ARMCX5: variants seen among roughly 807,000 people sequenced by gnomAD.
ARMCX5 encodes the protein armadillo repeat containing X-linked 5.
ARMCX5 carries 1 observed loss-of-function variant against 7.5 expected under a neutral mutation model. That is an observed-to-expected ratio of 0.13 (90% confidence interval 0.05 to 0.63). The LOEUF (loss-of-function observed/expected upper bound fraction) is 0.63, where lower values mean the gene tolerates loss of function less well. Ranked by LOEUF, ARMCX5 falls within the 30% of genes least tolerant of loss-of-function variation. ARMCX5 has a pLI of 0.86. For missense variants in ARMCX5, 346 were observed against 402.2 expected (o/e 0.86, Z 1.19); for synonymous variants, 149 against 145.7 (o/e 1.02, Z -0.16).
chrX:102,602,355 G>A lies in ARMCX5; in HGVS notation c.214G>A (p.Ala72Thr). The change falls in exon 4 of 4, where the codon GCT becomes ACT. Residue 72 changes from alanine (A) to threonine (T), a missense_variant. Transcript: ENST00000473968. ...THTVTYREAMAVTREVIKVED... is the reference protein window; with the variant it reads ...THTVTYREAMTVTREVIKVED... ...TACAGTGACCTACAGGGAGGCTATGGCTGTGACAAGGGAAGTGATCAAGGT... is the reference window on the plus strand; with the variant it reads ...TACAGTGACCTACAGGGAGGCTATGACTGTGACAAGGGAAGTGATCAAGGT... 1.7e-6 allele frequency: 2 copies of A among 1,211,606 alleles called. No individual in the cohort carries two copies. The highest frequency in any genetic ancestry group is 2.2e-5 in the Admixed American group (1 of 46,043).
rs767711078 is a variant in ARMCX5, at chrX:102,601,008, A to G, written c.-333A>G. ...TTAAAACTAGGAAATTACGAAGAAG[A>G]GAAAATTGCCCTGTATCTGTTAAGG... On this transcript the variant is annotated 5_prime_UTR_variant, in exon 2 of 4. Transcript: ENST00000473968. The G allele has an allele frequency of 2.5e-4, 28 of 112,000 alleles. No individual in the cohort carries two copies. Among genetic ancestry groups the G allele is most frequent in the Admixed American group, 2.3e-3 (24 of 10,572 alleles). 9.2% of individuals were successfully genotyped at this position (112,000 alleles called of 1,213,427 possible).
At position 102,602,819 on chromosome X, in the gene ARMCX5, G is replaced by A; in HGVS notation, c.678G>A (p.Arg226=). The A allele has an allele frequency of 8.3e-7, 1 of 1,210,527 alleles. No individual in the cohort carries two copies. Among genetic ancestry groups the A allele is most frequent in the Non-Finnish European group, 1.1e-6 (1 of 894,660 alleles). Reference sequence around the variant, plus strand: ...AACAAAAGGTAATAGCATGGTCAAGGGCCAGGTATATTGTCCTAGTTCCAG... The same window carrying A: ...AACAAAAGGTAATAGCATGGTCAAGAGCCAGGTATATTGTCCTAGTTCCAG... ...TIKQKVIAWS[R]ARYIVLVPVE... The change falls in exon 4 of 4, where the codon AGG becomes AGA. Residue 226 remains arginine, a synonymous_variant. Coordinates refer to ENST00000473968, the MANE Select transcript of ARMCX5 (RefSeq NM_001168478.2).
chrX:102,603,795 A>G lies in ARMCX5; in HGVS notation c.1654A>G (p.Ile552Val), dbSNP rs2081073190. 1 of 1,161,970 alleles carries G rather than the reference A, an allele frequency of 8.6e-7. No homozygotes were observed. Among genetic ancestry groups the G allele is most frequent in the Non-Finnish European group, 1.2e-6 (1 of 867,998 alleles). Residue 552 changes from isoleucine (I) to valine (V), a missense_variant, in exon 4 of 4, where the codon ATA becomes GTA. Transcript: ENST00000473968. ...TGATCCCGAAGTGAGAGATAAAGTC[A>G]TACGATTAATACTAAAACTCTGAAT... is the stretch of plus-strand genomic sequence containing the variant. ...HSDPEVRDKVIRLILKL is the reference protein window; with the variant it reads ...HSDPEVRDKVVRLILKL
At position 102,602,331 on chromosome X, in the gene ARMCX5, A is replaced by G. The variant is rs976516077; in HGVS notation, c.190A>G (p.Thr64Ala). 3.3e-6 allele frequency: 4 copies of G among 1,211,459 alleles called. No individual in the cohort carries two copies. Among genetic ancestry groups the G allele is most frequent in the Non-Finnish European group, 4.5e-6 (4 of 895,270 alleles). ...AGDGAMTRTH[T>A]VTYREAMAVT... ...TGATGGAGCAATGACCAGGACACATACAGTGACCTACAGGGAGGCTATGGC... is the reference window on the plus strand; with the variant it reads ...TGATGGAGCAATGACCAGGACACATGCAGTGACCTACAGGGAGGCTATGGC... The change falls in exon 4 of 4, where the codon ACA becomes GCA. Residue 64 changes from threonine to alanine, a missense_variant. By Grantham distance (58) the Thr-to-Ala change is moderately conservative. This residue lies in a region of ARMCX5 where 204 missense variants were observed against 244.3 expected (regional missense o/e 0.83). Coordinates refer to ENST00000473968, the MANE Select transcript of ARMCX5 (RefSeq NM_001168478.2).
chrX:102,603,105 A>T lies in ARMCX5; in HGVS notation c.964A>T (p.Thr322Ser). The change falls in exon 4 of 4, where the codon ACT (threonine) becomes TCT (serine). Residue 322 changes from threonine to serine, a missense_variant. By Grantham distance (58) the Thr-to-Ser change is moderately conservative. This residue lies in a region of ARMCX5 where 204 missense variants were observed against 244.3 expected (regional missense o/e 0.83). Transcript: ENST00000473968. ...TAAACTTGTTGCCCTCCTTAAGTTA[A>T]CTAAGGATCCTTTCATTCATGAAAT... ...FDKLVALLKL[T>S]KDPFIHEIAT... 8.3e-7 allele frequency: 1 copy of T among 1,209,514 alleles called. No individual in the cohort carries two copies. The highest frequency in any genetic ancestry group is 1.7e-5 in the African/African-American group (1 of 57,810).
At position 102,603,318 on chromosome X, in the gene ARMCX5, A is replaced by G; in HGVS notation, c.1177A>G (p.Ile393Val). 1.7e-6 allele frequency: 2 copies of G among 1,210,766 alleles called. No homozygotes were observed. Among genetic ancestry groups the G allele is most frequent in the Non-Finnish European group, 2.2e-6 (2 of 894,761 alleles). ...AGAACCAAAATCAGGGGAGTCATAT[A>G]TACATCAAGTTTGTAAAGGCATAAT... The part of the protein sequence containing the change: ...SEEPKSGESY[I>V]HQVCKGIISC... Residue 393 changes from isoleucine to valine, a missense_variant, in exon 4 of 4, where the codon ATA (isoleucine) becomes GTA (valine). By Grantham distance (29) the Ile-to-Val change is conservative. This residue lies in a region of ARMCX5 where 139 missense variants were observed against 141.1 expected (regional missense o/e 0.99). Coordinates refer to ENST00000473968, the MANE Select transcript of ARMCX5 (RefSeq NM_001168478.2).
At position 102,602,761 on chromosome X, in the gene ARMCX5, CCAAGCCCACACA is replaced by C. The variant is rs1319871369; in HGVS notation, c.624_635del (p.His211_Thr214del). The C allele has an allele frequency of 2.5e-6, 3 of 1,210,856 alleles. No individual in the cohort carries two copies. In the South Asian group the frequency reaches 5.3e-5, roughly 21 times the overall value. The stretch of plus-strand genomic sequence containing the variant: ...CCCCTACCTAAGATCCAGGAAAAGC[CCAAGCCCACACA>C]CAAACCCACACTTACTATAAAACAA... On this transcript the variant is annotated inframe_deletion, in exon 4 of 4. Coordinates refer to ENST00000473968, the MANE Select transcript of ARMCX5 (RefSeq NM_001168478.2).
chrX:102,600,722 A>G (rs2081027083), intron 1 of ARMCX5, 198 bp from the exon 2 acceptor site: 3 of 111,652 alleles, frequency 2.7e-5, no homozygotes, highest in Admixed American at 9.5e-5. Flanking sequence ...CTGTATAGGA[A>G]TTGTCAGACT....
Position 102,602,926 on chromosome X carries a change from G to A in ARMCX5, c.785G>A (p.Arg262Gln), listed in dbSNP as rs1056127986. ...TTGATTGAAACTCCTCTGGGGATTC[G>A]ACCTTTGACCAAGATCCCACCTTAT... Reference protein sequence around the residue: ...ETLIETPLGIRPLTKIPPYHG... With the variant: ...ETLIETPLGIQPLTKIPPYHG... The change falls in exon 4 of 4, where the codon CGA becomes CAA. Residue 262 changes from arginine (R) to glutamine (Q), a missense_variant. Arg to Gln is a conservative substitution (Grantham distance 43). Transcript: ENST00000473968. 8.3e-7 allele frequency: 1 copy of A among 1,211,207 alleles called. No individual in the cohort carries two copies. Among genetic ancestry groups the A allele is most frequent in the Non-Finnish European group, 1.1e-6 (1 of 895,264 alleles).
Position 102,602,608 on chromosome X carries a change from C to G in ARMCX5, c.467C>G (p.Thr156Ser). ...TCCAGACCTGACAGAAGGGAAGAGACCAGCATTGGGATGAAATCCAGTGAT... is the reference window on the plus strand; with the variant it reads ...TCCAGACCTGACAGAAGGGAAGAGAGCAGCATTGGGATGAAATCCAGTGAT... ...TGSRPDRREE[T>S]SIGMKSSDED... The change falls in exon 4 of 4, where the codon ACC becomes AGC. Residue 156 changes from threonine to serine, a missense_variant. Coordinates refer to ENST00000473968, the MANE Select transcript of ARMCX5 (RefSeq NM_001168478.2). 8.3e-7 allele frequency: 1 copy of G among 1,210,051 alleles called. No individual in the cohort carries two copies. The highest frequency in any genetic ancestry group is 1.1e-6 in the Non-Finnish European group (1 of 894,169).
At position 102,599,617 on chromosome X, in the gene ARMCX5, G is replaced by A. The variant is rs1310382808; in HGVS notation, c.-652G>A. 9.1e-6 allele frequency: 1 copy of A among 109,845 alleles called. No individual in the cohort carries two copies. The highest frequency in any genetic ancestry group is 9.8e-5 in the Admixed American group (1 of 10,225). 9.1% of individuals were successfully genotyped at this position (109,845 alleles called of 1,213,427 possible). On this transcript the variant is annotated 5_prime_UTR_variant, in exon 1 of 4. The change creates a premature stop within an existing upstream ORF in the 5' untranslated region. Transcript: ENST00000473968. The stretch of plus-strand genomic sequence containing the variant: ...TACGCGCGAGGTTCTGAGGAGCCCT[G>A]GGAACAGGAAGGAGAAAAGAATACC...
upstream of ARMCX5, chrX:102,599,507 T>C (rs2080999664): frequency 9.1e-6 from 1 of 109,464 alleles, no homozygotes. Flanking sequence ...TAAACTACGC[T>C]CTAGCTCCTC....
rs746990723 is a variant in ARMCX5 at position 102,602,310 on chromosome X, G to A, written c.169G>A (p.Gly57Arg). Residue 57 changes from glycine to arginine, a missense_variant, in exon 4 of 4, where the codon GGA (glycine) becomes AGA (arginine). By Grantham distance (125) the Gly-to-Arg change is moderately radical. Around this residue, in one of 3 missense-constraint regions of ARMCX5, gnomAD observed 204 missense variants for 244.3 expected, o/e 0.83. Transcript: ENST00000473968. Reference sequence around the variant, plus strand: ...AGTGACCCAGGCCAAAGCTGGTGATGGAGCAATGACCAGGACACATACAGT... The same window carrying A: ...AGTGACCCAGGCCAAAGCTGGTGATAGAGCAATGACCAGGACACATACAGT... Reference protein sequence around the residue: ...ESVTQAKAGDGAMTRTHTVTY... With the variant: ...ESVTQAKAGDRAMTRTHTVTY... The A allele has an allele frequency of 5.0e-6, 6 of 1,209,964 alleles. No homozygotes were observed. In the African/African-American group the frequency reaches 7.0e-5, roughly 14 times the overall value.
Position 102,599,791 on chromosome X carries a change from G to A in ARMCX5, c.-478G>A, listed in dbSNP as rs1270190839. 1.9e-5 allele frequency: 2 copies of A among 106,096 alleles called. No homozygotes were observed. The highest frequency in any genetic ancestry group is 6.0e-4 in the East Asian group (2 of 3,330). The allele number at this position is 106,096 out of a possible 1,213,427, so 8.7% of individuals were successfully genotyped here. On this transcript the variant is annotated 5_prime_UTR_variant, in exon 1 of 4. The change abolishes an upstream ATG in the 5' untranslated region. Transcript: ENST00000473968. ...TGACTGTCTGTTCCTGCTGCTGTATGACACAGCACCTCGAGGCAAGGAAAT... is the reference window on the plus strand; with the variant it reads ...TGACTGTCTGTTCCTGCTGCTGTATAACACAGCACCTCGAGGCAAGGAAAT...
In ARMCX5 at chrX:102,602,850, G is replaced by A. The variant is rs1490662118; in HGVS notation, c.709G>A (p.Gly237Arg). The A allele has an allele frequency of 1.7e-6, 2 of 1,208,093 alleles. No homozygotes were observed. Among genetic ancestry groups the A allele is most frequent in the Admixed American group, 4.4e-5 (2 of 45,746 alleles). The change falls in exon 4 of 4, where the codon GGA becomes AGA. Residue 237 changes from glycine to arginine, a missense_variant. Gly to Arg is a moderately radical substitution (Grantham distance 125). Transcript: ENST00000473968. The part of the protein sequence containing the change: ...ARYIVLVPVE[G>R]GEQSLPPEGN... Reference sequence around the variant, plus strand: ...GTATATTGTCCTAGTTCCAGTTGAAGGAGGGGAGCAATCCTTGCCTCCAGA... The same window carrying A: ...GTATATTGTCCTAGTTCCAGTTGAAAGAGGGGAGCAATCCTTGCCTCCAGA...
In ARMCX5 at chrX:102,603,243, G is replaced by A; in HGVS notation, c.1102G>A (p.Glu368Lys). ...CTTGGTCAATAATCCCAATGTTAAA[G>A]AACACCCTGGAGCTTTAAGTATGGT... is the stretch of plus-strand genomic sequence containing the variant. The part of the protein sequence containing the change: ...ENLVNNPNVK[E>K]HPGALSMVDD... The change falls in exon 4 of 4, where the codon GAA becomes AAA. Residue 368 changes from glutamate (E) to lysine (K), a missense_variant. This residue lies in a region of ARMCX5 where 139 missense variants were observed against 141.1 expected (regional missense o/e 0.99). Coordinates refer to ENST00000473968, the MANE Select transcript of ARMCX5 (RefSeq NM_001168478.2). 1 of 1,210,929 alleles carries A rather than the reference G, an allele frequency of 8.3e-7. No individual in the cohort carries two copies. Among genetic ancestry groups the A allele is most frequent in the Non-Finnish European group, 1.1e-6 (1 of 895,164 alleles).
intron 1 of ARMCX5, chrX:102,600,428 A>T (rs780908891): frequency 3.6e-5 from 4 of 110,733 alleles, no homozygotes; most frequent in African/African-American, 1.3e-4. Flanking sequence ...AGTGGGCAGT[A>T]CTTGGGAGGC....
At position 102,603,013 on chromosome X, in the gene ARMCX5, A is replaced by G. The variant is rs1266371628; in HGVS notation, c.872A>G (p.Tyr291Cys). Residue 291 changes from tyrosine (Y) to cysteine (C), a missense_variant, in exon 4 of 4, where the codon TAT (tyrosine) becomes TGT (cysteine). By Grantham distance (194) the Tyr-to-Cys change is radical. Around this residue, in one of 3 missense-constraint regions of ARMCX5, gnomAD observed 204 missense variants for 244.3 expected, o/e 0.83. Coordinates refer to ENST00000473968, the MANE Select transcript of ARMCX5 (RefSeq NM_001168478.2). ...IKKQIRQREKYGPNPKACHCK... is the reference protein window; with the variant it reads ...IKKQIRQREKCGPNPKACHCK... ...AAACAGATTAGGCAAAGGGAAAAGT[A>G]TGGGCCTAATCCGAAGGCCTGCCAC... 1 of 1,209,730 alleles carries G rather than the reference A, an allele frequency of 8.3e-7. No homozygotes were observed. Among genetic ancestry groups the G allele is most frequent in the African/African-American group, 1.8e-5 (1 of 57,084 alleles).
Position 102,602,954 on chromosome X carries a change from T to C in ARMCX5, c.813T>C (p.His271=). ...IRPLTKIPPY[H]GPYYQTLAEI... Reference sequence around the variant, plus strand: ...CTTTGACCAAGATCCCACCTTATCATGGGCCTTATTACCAGACCTTAGCTG... The same window carrying C: ...CTTTGACCAAGATCCCACCTTATCACGGGCCTTATTACCAGACCTTAGCTG... The change falls in exon 4 of 4, where the codon CAT becomes CAC. Residue 271 remains histidine (H), a synonymous_variant. Coordinates refer to ENST00000473968, the MANE Select transcript of ARMCX5 (RefSeq NM_001168478.2). 1 of 1,210,921 alleles carries C rather than the reference T, an allele frequency of 8.3e-7. No homozygotes were observed. The highest frequency in any genetic ancestry group is 1.1e-6 in the Non-Finnish European group (1 of 894,900).
Sources: allele counts gnomAD v4.1 joint callset, GRCh38; gene constraint gnomAD v4.1.1; regional missense constraint gnomAD v4.1.1; transcripts MANE v1.5; gene names NCBI Gene and HGNC (gene_info 2026-07-23, HGNC 2026-07-21).